Variants in PCDHA2 observed in about 807,000 individuals in gnomAD.
PCDHA2 encodes protocadherin alpha 2.
In PCDHA2, 58 loss-of-function variants were observed where a neutral mutation model predicts 66.0. The observed-to-expected ratio is 0.88, with a 90% CI of 0.71 to 1.09. The LOEUF (loss-of-function observed/expected upper bound fraction) is 1.09. PCDHA2 is among the 50% of genes least tolerant of loss of function. PCDHA2 has a pLI of 0.00. For missense variants in PCDHA2, 1,267 were observed against 1,242.3 expected, an observed-to-expected ratio of 1.02 and a Z score of -0.30; for synonymous variants, 634 against 554.0, an observed-to-expected ratio of 1.14 and a Z score of -2.03.
At chr5:140,802,636 G>A in intron 1 of PCDHA2, 6 of 1,613,858 alleles carry the variant, frequency 3.7e-6, no homozygotes, top group Middle Eastern at 1.7e-4. Flanking sequence ...GTGTCTGCGC[G>A]GGACGCGGAC....
At chr5:140,802,761 C>A in intron 1 of PCDHA2, 3 of 1,612,814 alleles carry the variant, frequency 1.9e-6, no homozygotes, top group Non-Finnish European at 1.7e-6. Flanking sequence ...CGCGCTGCAG[C>A]CGCTGGACCA....
intron 1 of PCDHA2, among the ~76,000 whole-genome samples, chr5:140,975,074 G>C (rs2096653166): frequency 1.3e-5 from 2 of 152,152 alleles, no homozygotes; most frequent in South Asian, 4.1e-4. Flanking sequence ...CATTCAGATT[G>C]TTGGCAGAAT....
At position 140,951,793 on chromosome 5, in the gene PCDHA2, C is replaced by T. The variant is rs536005204; in HGVS notation, c.2389-27156C>T. 5.3e-5 allele frequency among the ~76,000 whole-genome samples: 8 copies of T among 152,244 alleles called. No homozygotes were observed. The South Asian group carries it at 1.7e-3, about 32-fold the overall frequency. On this transcript the variant is annotated intron_variant, in intron 1 of 3. Coordinates refer to ENST00000526136, the MANE Select transcript of PCDHA2 (RefSeq NM_018905.3). ...TTCTTACATTGCAAAATACAATTAT[C>T]CCTTCCCAATGGTCCCTCAAAGTCT...
intron 1 of PCDHA2, among the ~76,000 whole-genome samples, chr5:140,819,269 T>C (rs2150103634): frequency 0.058 from 8,891 of 152,232 alleles, 856 homozygotes; most frequent in African/African-American, 0.2. Context: ...ATAATTTCTA[T>C]AGATAAGAGA....
chr5:140,802,900 C>T (rs758831845), intron 1 of PCDHA2: 2 of 1,613,790 alleles, frequency 1.2e-6, no homozygotes, highest in South Asian at 2.2e-5. Context: ...CTGCTGATGC[C>T]TCGGGTGGGT....
At chr5:140,822,867 C>T in intron 1 of PCDHA2, 2 of 1,614,242 alleles carry the variant, frequency 1.2e-6, no homozygotes, top group East Asian at 2.2e-5. Flanking sequence ...ACGCTCCACT[C>T]AGCACGGTCA....
intron 1 of PCDHA2, among the ~76,000 whole-genome samples, chr5:140,945,224 T>C (rs1563213002): frequency 6.6e-6 from 1 of 152,016 alleles, no homozygotes; most frequent in Non-Finnish European, 1.5e-5. Context: ...ATAAAAATAC[T>C]TAGGAATAAA....
chr5:140,942,443 A>G (rs1204508547), intron 1 of PCDHA2, among the ~76,000 whole-genome samples: 2 of 152,100 alleles, frequency 1.3e-5, no homozygotes, highest in African/African-American at 4.8e-5. Flanking sequence ...ATAAACAAGT[A>G]AACTATCAAT....
chr5:140,850,459 G>A (rs2150485191), intron 1 of PCDHA2: 2 of 1,598,012 alleles, frequency 1.3e-6, no homozygotes, highest in South Asian at 2.2e-5. Context: ...AAAGACCACG[G>A]GGAGCCAGCG....
chr5:140,857,900 C>A, intron 1 of PCDHA2: 2 of 1,597,730 alleles, frequency 1.3e-6, no homozygotes, highest in African/African-American at 1.3e-5. Context: ...GGTTGGTGCA[C>A]GCATCCCGTT....
intron 1 of PCDHA2, chr5:140,823,482 G>C: frequency 6.2e-7 from 1 of 1,613,424 alleles, no homozygotes; most frequent in Non-Finnish European, 8.5e-7. Context: ...TGCCTCGAGT[G>C]GGTGGCACCG....
chr5:140,922,581 C>T (rs893700923), intron 1 of PCDHA2, among the ~76,000 whole-genome samples: 2 of 152,104 alleles, frequency 1.3e-5, no homozygotes, highest in Non-Finnish European at 2.9e-5. Context: ...GCCCTGTAGC[C>T]GCCAGTTCTC....
intron 1 of PCDHA2, among the ~76,000 whole-genome samples, chr5:140,955,464 T>C (rs563782102): frequency 2.0e-5 from 3 of 152,218 alleles, no homozygotes; most frequent in South Asian, 2.1e-4. Context: ...TTTTTCCTTT[T>C]TGCTTGGCAC....
chr5:140,910,371 A>G (rs2153514600), intron 1 of PCDHA2, among the ~76,000 whole-genome samples: 1 of 152,246 alleles, frequency 6.6e-6, no homozygotes, highest in South Asian at 2.1e-4. Flanking sequence ...AGCTATGCCC[A>G]CCTTGCCTTT....
intron 1 of PCDHA2, chr5:140,823,879 G>A (rs1307861296): frequency 1.2e-6 from 2 of 1,613,898 alleles, no homozygotes; most frequent in African/African-American, 1.3e-5. Flanking sequence ...CCTGATCATC[G>A]CCATCTGTGC....
intron 1 of PCDHA2, among the ~76,000 whole-genome samples, chr5:140,933,268 T>A (rs2088999959): frequency 6.6e-6 from 1 of 151,986 alleles, no homozygotes; most frequent in Non-Finnish European, 1.5e-5. Context: ...TTATTATATA[T>A]TCATTTGGAA....
chr5:140,851,954 GGT>G, intron 1 of PCDHA2: 1 of 974,722 alleles, frequency 1.0e-6, no homozygotes, highest in Non-Finnish European at 1.2e-6. Flanking sequence ...CTTTCAAAAT[GGT>G]GGTTTTCCAC....
intron 1 of PCDHA2, among the ~76,000 whole-genome samples, chr5:140,972,724 C>T (rs953044769): frequency 1.9e-4 from 27 of 140,890 alleles, no homozygotes; most frequent in Non-Finnish European, 3.3e-4. Context: ...AGTGCAGTGG[C>T]GTAATCCCGG....
intron 1 of PCDHA2, among the ~76,000 whole-genome samples, chr5:140,871,786 T>G (rs2053308227): frequency 6.6e-6 from 1 of 152,224 alleles, no homozygotes; most frequent in African/African-American, 2.4e-5. Flanking sequence ...GTCACTTGAG[T>G]AGAAATAATT....
Sources: gnomAD v4.1 joint callset for allele counts (sites outside exome capture counted in the v4.1 genomes callset) on GRCh38, gnomAD v4.1.1 for gene constraint, MANE v1.5 for transcripts, NCBI Gene and HGNC (gene_info 2026-07-23, HGNC 2026-07-21) for gene names.